Variants in CAB39L observed in about 807,000 individuals in gnomAD.
CAB39L encodes the protein calcium-binding protein 39-like.
Under a neutral mutation model 39.1 loss-of-function variants are expected in CAB39L, and 23 were observed. The observed-to-expected ratio is 0.59, with a 90% confidence interval of 0.42 to 0.83. The LOEUF (loss-of-function observed/expected upper bound fraction) is 0.83, where lower values mean the gene tolerates loss of function less well. Ranked by LOEUF, CAB39L falls within the 40% of genes least tolerant of loss-of-function variation. CAB39L has a pLI of 0.00. For synonymous variants in CAB39L, 126 were observed against 137.2 expected, an observed-to-expected ratio of 0.92 and a Z score of 0.57; for missense variants, 366 against 391.9, an observed-to-expected ratio of 0.93 and a Z score of 0.56.
At chr13:49,399,012 T>C (rs1163146844) in intron 3 of CAB39L, among the ~76,000 whole-genome samples, 3 of 152,110 alleles carry the variant, frequency 2.0e-5, no homozygotes, top group Non-Finnish European at 4.4e-5. Flanking sequence ...ACTTTTGCTT[T>C]GTTCACATCT....
At chr13:49,334,648 G>A (rs1050207507) in intron 9 of CAB39L, among the ~76,000 whole-genome samples, 3 of 152,176 alleles carry the variant, frequency 2.0e-5, no homozygotes, top group African/African-American at 4.8e-5. Flanking sequence ...CCATAAGGGC[G>A]TGTTTCAAAT....
intron 3 of CAB39L, among the ~76,000 whole-genome samples, chr13:49,389,263 C>G (rs568235161): frequency 6.6e-6 from 1 of 152,302 alleles, no homozygotes; most frequent in African/African-American, 2.4e-5. Context: ...GAAATATCTG[C>G]ACTTCCGTAT....
intron 3 of CAB39L, among the ~76,000 whole-genome samples, chr13:49,400,046 A>C (rs1394135624): frequency 3.9e-5 from 6 of 152,094 alleles, no homozygotes; most frequent in Non-Finnish European, 1.5e-5. Context: ...ATGTTAGAGA[A>C]ATTACAGCCA....
At chr13:49,367,256 C>T (rs1478375209) in intron 5 of CAB39L, among the ~76,000 whole-genome samples, 7 of 152,104 alleles carry the variant, frequency 4.6e-5, no homozygotes, top group Admixed American at 4.6e-4. Context: ...TGGCAACAAG[C>T]ACATAAAAGA....
chr13:49,326,646 G>A (rs186907439), intron 10 of CAB39L, among the ~76,000 whole-genome samples: 14 of 152,182 alleles, frequency 9.2e-5, no homozygotes, highest in African/African-American at 3.4e-4. Flanking sequence ...AAATATTTTT[G>A]GCAAGTAAAC....
intron 5 of CAB39L, among the ~76,000 whole-genome samples, chr13:49,364,832 G>A (rs2138520099): frequency 6.6e-6 from 1 of 152,198 alleles, no homozygotes; most frequent in Middle Eastern, 3.4e-3. Context: ...CGTGTCCATG[G>A]ATTGAAAGAA....
At chr13:49,314,136 C>G (rs1954084512) in intron 10 of CAB39L, among the ~76,000 whole-genome samples, 1 of 152,090 alleles carries the variant, frequency 6.6e-6, no homozygotes, top group Non-Finnish European at 1.5e-5. Flanking sequence ...TGTCCCACTG[C>G]AGGCTCTGAG....
chr13:49,331,862 A>C, intron 10 of CAB39L, 85 bp downstream of exon 10: 1 of 1,223,228 alleles, frequency 8.2e-7, no homozygotes, highest in Non-Finnish European at 1.2e-6. Flanking sequence ...TCAAGTATGA[A>C]GGAGAGTAAA....
At chr13:49,314,867 C>T (rs988301408) in intron 10 of CAB39L, among the ~76,000 whole-genome samples, 7 of 152,172 alleles carry the variant, frequency 4.6e-5, no homozygotes, top group African/African-American at 1.7e-4. Flanking sequence ...TATTCTACTC[C>T]ATGCATTCAA....
In CAB39L at chr13:49,411,410, G is replaced by GAA. The variant is rs760826107; in HGVS notation, c.-32+21906_-32+21907dup. Among the ~76,000 whole-genome samples, 53 of 102,368 alleles carry GAA rather than the reference G, an allele frequency of 5.2e-4. 2 individuals carry two copies. Among genetic ancestry groups the GAA allele is most frequent in the Admixed American group, 8.8e-4 (8 of 9,048 alleles). 67.2% of individuals were successfully genotyped at this position (102,368 alleles called of 152,430 possible). On this transcript the variant is annotated intron_variant, in intron 3 of 10. Coordinates refer to ENST00000409308, the MANE Select transcript of CAB39L (RefSeq NM_001079670.3). ...GGGCAACAGAGAGAGACTCTCCTGAGAAAAAAAAAAAAAAAAAGAAAATCC... is the reference window on the plus strand; with the variant it reads ...GGGCAACAGAGAGAGACTCTCCTGAGAAAAAAAAAAAAAAAAAAAGAAAATCC...
At position 49,329,534 on chromosome 13, in the gene CAB39L, T is replaced by TAAAAA. The variant is rs777940622; in HGVS notation, c.834+2408_834+2412dup. Among the ~76,000 whole-genome samples, 51 of 17,396 alleles carry TAAAAA rather than the reference T, an allele frequency of 2.9e-3. 5 individuals carry two copies. The highest frequency in any genetic ancestry group is 0.014 in the East Asian group (4 of 280). The allele number at this position is 17,396 out of a possible 152,430, so 11.4% of individuals were successfully genotyped here. On this transcript the variant is annotated intron_variant, in intron 10 of 10. Coordinates refer to ENST00000409308, the MANE Select transcript of CAB39L (RefSeq NM_001079670.3). ...ACCTTGTCCTACATATCTCTTCAAT[T>TAAAAA]AAAAAAAAAAATATATATATATATA... is the stretch of plus-strand genomic sequence containing the variant.
chr13:49,361,548 GAGAA>G (rs1955633989), intron 5 of CAB39L, among the ~76,000 whole-genome samples: 1 of 115,966 alleles, frequency 8.6e-6, no homozygotes, highest in African/African-American at 3.2e-5. Context: ...AAAAAAGAGA[GAGAA>G]AGAGAAAGAA....
chr13:49,410,053 G>A (rs1956958709), intron 3 of CAB39L, among the ~76,000 whole-genome samples: 1 of 152,000 alleles, frequency 6.6e-6, no homozygotes, highest in Non-Finnish European at 1.5e-5. Flanking sequence ...ATATAACAAC[G>A]CTAAGTACAT....
At chr13:49,345,902 G>A (rs1955139184) in intron 7 of CAB39L, among the ~76,000 whole-genome samples, 1 of 151,764 alleles carries the variant, frequency 6.6e-6, no homozygotes, top group South Asian at 2.1e-4. Context: ...TGCCTTGAAA[G>A]GTTGTGTCAT....
intron 9 of CAB39L, among the ~76,000 whole-genome samples, chr13:49,332,947 G>A (rs1954752805): frequency 6.6e-6 from 1 of 151,998 alleles, no homozygotes; most frequent in African/African-American, 2.4e-5. Flanking sequence ...GAAGGCCTCA[G>A]GGGAGTAACA....
chr13:49,405,751 G>GGAAGGAAGGAAGGA (rs1478083608), intron 3 of CAB39L, among the ~76,000 whole-genome samples: 17 of 69,022 alleles, frequency 2.5e-4, no homozygotes, highest in Middle Eastern at 0.01. Flanking sequence ...GGAAGGAAGG[G>GGAAGGAAGGAAGGA]AGGGAGGGAC....
At chr13:49,378,588 G>T (rs1375379716) in intron 4 of CAB39L, among the ~76,000 whole-genome samples, 1 of 76,138 alleles carries the variant, frequency 1.3e-5, no homozygotes. Flanking sequence ...GAGGGAGGTG[G>T]GGGGGTCAGC....
intron 10 of CAB39L, among the ~76,000 whole-genome samples, chr13:49,327,298 T>C (rs1403194964): frequency 1.3e-5 from 2 of 152,158 alleles, no homozygotes; most frequent in Non-Finnish European, 2.9e-5. Context: ...TTCCCATGCA[T>C]TTTGCAATTT....
chr13:49,311,268 G>C (rs978864333), intron 10 of CAB39L, among the ~76,000 whole-genome samples: 1 of 152,070 alleles, frequency 6.6e-6, no homozygotes, highest in African/African-American at 2.4e-5. Flanking sequence ...TTGTGATATC[G>C]TAGGTCAGTG....
Sources: gnomAD v4.1 joint callset for allele counts (sites outside exome capture counted in the v4.1 genomes callset) on GRCh38, gnomAD v4.1.1 for gene constraint, MANE v1.5 for transcripts, NCBI Gene and HGNC (gene_info 2026-07-23, HGNC 2026-07-21) for gene names.